The following CADM3 variants were observed in gnomAD, a reference collection of about 807,000 sequenced individuals.
The protein encoded by CADM3 is TSLC1-like 1.
Under a neutral mutation model 44.9 loss-of-function variants are expected in CADM3, and 11 were observed. The ratio of observed to expected loss-of-function variants is 0.25; its 90% CI spans 0.15 to 0.41. The LOEUF (loss-of-function observed/expected upper bound fraction) is 0.41, where lower values mean the gene tolerates loss of function less well. Among genes scored for constraint, CADM3 ranks in the 10% least tolerant of loss-of-function variants. The pLI is 1.00. For missense variants in CADM3, 426 were observed against 512.0 expected, an observed-to-expected ratio of 0.83 and a Z score of 1.62; for synonymous variants, 207 against 205.2, an observed-to-expected ratio of 1.01 and a Z score of -0.08.
At chr1:159,193,008 C>A (rs1649737006) in intron 3 of CADM3, among the ~76,000 whole-genome samples, 1 of 152,208 alleles carries the variant, frequency 6.6e-6, no homozygotes, top group Non-Finnish European at 1.5e-5. Context: ...ACTTACCTCC[C>A]AAGATGGTGT....
intron 7 of CADM3, 44 bp from the exon 8 acceptor site, chr1:159,199,707 G>A (rs1308992023): frequency 6.2e-7 from 1 of 1,613,894 alleles, no homozygotes; most frequent in Non-Finnish European, 8.5e-7. Flanking sequence ...TATAAGATAA[G>A]GGCTCTCCCC....
rs1310259394 is a variant in CADM3, at chr1:159,202,485, C to T, written c.*1563C>T. On this transcript the variant is annotated 3_prime_UTR_variant, in exon 9 of 9. Coordinates refer to ENST00000368125, the MANE Select transcript of CADM3 (RefSeq NM_001127173.3). ...CGTTGACCCTGGAAAGACCTACCAC[C>T]ACCTATTTTTTCCCATAGTCTGTAC... 6.6e-6 allele frequency: 1 copy of T among 152,514 alleles called. No homozygotes were observed. The highest frequency in any genetic ancestry group is 2.4e-5 in the African/African-American group (1 of 41,450). 9.4% of individuals were successfully genotyped at this position (152,514 alleles called of 1,614,324 possible).
chr1:159,197,057 A>C lies in CADM3; in HGVS notation c.949A>C (p.Asn317His). 6.2e-7 allele frequency: 1 copy of C among 1,613,968 alleles called. No individual in the cohort carries two copies. Among genetic ancestry groups the C allele is most frequent in the South Asian group, 1.1e-5 (1 of 91,072 alleles). ...CAAGGCCTACTACACCCTCAATGTT[A>C]ATGGTAAGCCCTCCTCAGTTCTCTT... ...SYKAYYTLNVNDPSPVPSSSS... is the reference protein window; with the variant it reads ...SYKAYYTLNVHDPSPVPSSSS... The change falls in exon 7 of 9, where the codon AAT (asparagine) becomes CAT (histidine). Residue 317 changes from asparagine to histidine, a missense_variant. Physicochemically the swap from Asn to His is moderately conservative, Grantham distance 68. Around this residue, in one of 2 missense-constraint regions of CADM3, gnomAD observed 362 missense variants for 474.6 expected, o/e 0.76. Coordinates refer to ENST00000368125, the MANE Select transcript of CADM3 (RefSeq NM_001127173.3).
chr1:159,196,562 C>T (rs1474346620), intron 6 of CADM3, 108 bp downstream of exon 6: 2 of 892,652 alleles, frequency 2.2e-6, no homozygotes, highest in Non-Finnish European at 3.5e-6. Flanking sequence ...ACCTGAGCCT[C>T]TCATTTCCCT....
At chr1:159,199,902 C>T (rs1271008066) in intron 8 of CADM3, 26 bp downstream of exon 8, 1 of 1,610,954 alleles carries the variant, frequency 6.2e-7, no homozygotes. Flanking sequence ...AGAGCATCAG[C>T]AGAACTTGGG....
At chr1:159,196,748 G>A in intron 6 of CADM3, 143 bp from the exon 7 acceptor site, 1 of 806,946 alleles carries the variant, frequency 1.2e-6, no homozygotes, top group African/African-American at 1.7e-5. Context: ...CTGGCGTATA[G>A]CAGCTCCAGT....
intron 1 of CADM3, 75 bp downstream of exon 1, chr1:159,171,928 G>T: frequency 1.0e-6 from 1 of 1,000,582 alleles, no homozygotes; most frequent in Non-Finnish European, 1.3e-6. Flanking sequence ...GGAGTCTCGC[G>T]GAAGGAGCCT....
In CADM3 at chr1:159,192,042, T is replaced by G. The variant is rs140248716; in HGVS notation, c.195T>G (p.Pro65=). The part of the protein sequence containing the change: ...HEDSSLQWSN[P]AQQTLYFGEK... ...ACTCATCCCTGCAATGGTCTAACCC[T>G]GCTCAGCAGACTCTCTACTTTGGGG... Residue 65 remains proline (P), a synonymous_variant, in exon 2 of 9, where the codon CCT becomes CCG. Transcript: ENST00000368125. 1,109 of 1,614,134 alleles carry G rather than the reference T, an allele frequency of 6.9e-4. No individual in the cohort carries two copies. Among genetic ancestry groups the G allele is most frequent in the Non-Finnish European group, 8.7e-4 (1,022 of 1,180,014 alleles).
At chr1:159,199,334 G>A (rs1364389299) in intron 7 of CADM3, among the ~76,000 whole-genome samples, 2 of 151,138 alleles carry the variant, frequency 1.3e-5, no homozygotes, top group Non-Finnish European at 2.9e-5. Context: ...AAGGAAACAG[G>A]GCAGGAGGAG....
At chr1:159,187,406 A>G (rs1649460095) in intron 1 of CADM3, among the ~76,000 whole-genome samples, 1 of 152,174 alleles carries the variant, frequency 6.6e-6, no homozygotes, top group African/African-American at 2.4e-5. Flanking sequence ...AAAGCCCCCA[A>G]AGCACCATCA....
intron 1 of CADM3, among the ~76,000 whole-genome samples, chr1:159,177,080 G>A (rs942082704): frequency 6.6e-6 from 1 of 152,038 alleles, no homozygotes; most frequent in Non-Finnish European, 1.5e-5. Flanking sequence ...TGTCTCTGAG[G>A]GGGCACAGGC....
intron 5 of CADM3, 49 bp downstream of exon 5, chr1:159,194,089 C>A: frequency 6.4e-7 from 1 of 1,558,690 alleles, no homozygotes; most frequent in Non-Finnish European, 8.8e-7. Context: ...GAGATGAGGA[C>A]CAGGGAGAAA....
rs1649704353 is a variant in CADM3 at position 159,192,454 on chromosome 1, G to A, written c.230-124G>A. 3 of 1,049,858 alleles carry A rather than the reference G, an allele frequency of 2.9e-6. No homozygotes were observed. The Admixed American group carries it at 6.3e-5, about 22-fold the overall frequency. 65.0% of individuals were successfully genotyped at this position (1,049,858 alleles called of 1,614,324 possible). On this transcript the variant is annotated intron_variant, in intron 2 of 8. Coordinates refer to ENST00000368125, the MANE Select transcript of CADM3 (RefSeq NM_001127173.3). ...ACTTAAAGACTGCTTAAACTCAGGAGCAGTTATTTTTTCCCCACCCACCAT... is the reference window on the plus strand; with the variant it reads ...ACTTAAAGACTGCTTAAACTCAGGAACAGTTATTTTTTCCCCACCCACCAT...
In CADM3 at chr1:159,193,578, T is replaced by C. The variant is rs745522096; in HGVS notation, c.520+18T>C. 21 of 1,614,036 alleles carry C rather than the reference T, an allele frequency of 1.3e-5. No individual in the cohort carries two copies. The highest frequency in any genetic ancestry group is 1.8e-5 in the Non-Finnish European group (21 of 1,179,976). On this transcript the variant is annotated intron_variant, in intron 4 of 8. Transcript: ENST00000368125. ...ACTCCACGGTGAGTACCTCCTGCCT[T>C]GGGGTTACAGGAGAAAGTGGTGCTG...
Position 159,201,538 on chromosome 1 carries a change from C to T in CADM3, c.*616C>T, listed in dbSNP as rs184704448. 30 of 152,458 alleles carry T rather than the reference C, an allele frequency of 2.0e-4. No individual in the cohort carries two copies. In the Middle Eastern group the frequency reaches 0.013, roughly 68 times the overall value. The allele number at this position is 152,458 out of a possible 1,614,324, so 9.4% of individuals were successfully genotyped here. A position where few individuals can be genotyped will look rare whatever the true frequency, so the allele number is the denominator to read the frequency against. On this transcript the variant is annotated 3_prime_UTR_variant, in exon 9 of 9. Coordinates refer to ENST00000368125, the MANE Select transcript of CADM3 (RefSeq NM_001127173.3). Reference sequence around the variant, plus strand: ...CATAGCAATGGGAAAGTGATGAGTGCGGGAGTCCTGAGGAGATGTGGCCTG... The same window carrying T: ...CATAGCAATGGGAAAGTGATGAGTGTGGGAGTCCTGAGGAGATGTGGCCTG...
At chr1:159,176,654 A>G (rs1292109454) in intron 1 of CADM3, among the ~76,000 whole-genome samples, 2 of 152,074 alleles carry the variant, frequency 1.3e-5, no homozygotes, top group South Asian at 4.1e-4. Flanking sequence ...CCAAGTAAAA[A>G]CCCAGTCCAA....
chr1:159,186,898 A>G (rs1649440252), intron 1 of CADM3, among the ~76,000 whole-genome samples: 2 of 152,228 alleles, frequency 1.3e-5, no homozygotes, highest in Non-Finnish European at 2.9e-5. Flanking sequence ...TAGAGGCAAT[A>G]CATCATGTAC....
At chr1:159,184,602 G>A (rs1221873501) in intron 1 of CADM3, among the ~76,000 whole-genome samples, 1 of 152,168 alleles carries the variant, frequency 6.6e-6, no homozygotes, top group African/African-American at 2.4e-5. Flanking sequence ...CTGTGACCCT[G>A]TTTATGGCTG....
chr1:159,202,671 TC>T lies in CADM3; in HGVS notation c.*1754del. On this transcript the variant is annotated 3_prime_UTR_variant, in exon 9 of 9. Coordinates refer to ENST00000368125, the MANE Select transcript of CADM3 (RefSeq NM_001127173.3). ...GATGCCCTTGGCATCGCTCCCACCC[TC>T]CCCCAGCTTTTCCTCCCTGGTCTGA... 6.6e-6 allele frequency: 1 copy of T among 151,908 alleles called. No homozygotes were observed. Among genetic ancestry groups the T allele is most frequent in the Non-Finnish European group, 1.5e-5 (1 of 68,016 alleles). 9.4% of individuals were successfully genotyped at this position (151,908 alleles called of 1,614,324 possible).
Sources: gnomAD v4.1 joint callset for allele counts (sites outside exome capture counted in the v4.1 genomes callset) on GRCh38, gnomAD v4.1.1 for gene constraint, gnomAD v4.1.1 regional missense constraint, MANE v1.5 for transcripts, NCBI Gene and HGNC (gene_info 2026-07-23, HGNC 2026-07-21) for gene names.